The following SHISA9 variants were observed in gnomAD, a reference collection of about 807,000 sequenced individuals.
The protein encoded by SHISA9 is protein shisa-9.
Under a neutral mutation model 38.0 loss-of-function variants are expected in SHISA9, and 13 were observed. The ratio of observed to expected loss-of-function variants is 0.34; its 90% confidence interval spans 0.22 to 0.54. The LOEUF is 0.54. SHISA9 is among the 20% of genes least tolerant of loss of function. The pLI is 0.91. For synonymous variants in SHISA9, 275 were observed against 242.0 expected (o/e 1.14, Z -1.27); for missense variants, 538 against 575.8 (o/e 0.93, Z 0.67).
chr16:13,226,578 G>A (rs1053598258), intron 4 of SHISA9, among the ~76,000 whole-genome samples: 1 of 152,180 alleles, frequency 6.6e-6, no homozygotes, highest in Non-Finnish European at 1.5e-5. Flanking sequence ...GTTATCAACT[G>A]CTGCATAACA....
At chr16:13,348,017 T>A in the SHISA9 span, among the ~76,000 whole-genome samples, 5 of 152,168 alleles carry the variant, frequency 3.3e-5, no homozygotes, top group Admixed American at 3.3e-4. Context: ...GTCACAAGGG[T>A]GAGTGAGGCT....
the SHISA9 span, chr16:13,246,358 A>G: frequency 6.6e-6 from 1 of 152,274 alleles, no homozygotes; most frequent in Admixed American, 6.5e-5. Context: ...ACCTTCTGCC[A>G]TGATTATGAG....
chr16:13,001,897 A>G (rs1426591128), intron 2 of SHISA9, among the ~76,000 whole-genome samples: 1 of 152,212 alleles, frequency 6.6e-6, no homozygotes, highest in Non-Finnish European at 1.5e-5. Flanking sequence ...ATAGGTGATA[A>G]AAAATGATAA....
At chr16:13,406,926 G>A in the SHISA9 span, among the ~76,000 whole-genome samples, 2 of 151,942 alleles carry the variant, frequency 1.3e-5, no homozygotes, top group Admixed American at 6.6e-5. Flanking sequence ...AAATTAGCTG[G>A]GTGTGGTGGC....
At chr16:13,364,654 T>G in the SHISA9 span, among the ~76,000 whole-genome samples, 1 of 152,248 alleles carries the variant, frequency 6.6e-6, no homozygotes, top group Non-Finnish European at 1.5e-5. Context: ...GTTTGCTATG[T>G]CATTTATTCT....
At chr16:13,314,622 T>G in the SHISA9 span, among the ~76,000 whole-genome samples, 2,469 of 152,322 alleles carry the variant, frequency 0.016, 43 homozygotes, top group Middle Eastern at 0.085. Flanking sequence ...TGAATACAGT[T>G]TGATGAGTTT....
At chr16:12,964,284 G>T (rs1388827472) in intron 2 of SHISA9, among the ~76,000 whole-genome samples, 1 of 152,106 alleles carries the variant, frequency 6.6e-6, no homozygotes, top group Non-Finnish European at 1.5e-5. Context: ...ATTATCCATT[G>T]CCTGACCAAA....
In SHISA9 at chr16:13,044,120, T is replaced by C. The variant is rs191948195; in HGVS notation, c.691+127305T>C. Among the ~76,000 whole-genome samples the C allele has an allele frequency of 5.0e-4, 76 of 152,312 alleles. 1 individual carries two copies. The Middle Eastern group carries it at 0.01, about 20-fold the overall frequency. On this transcript the variant is annotated intron_variant, in intron 2 of 4. Transcript: ENST00000558583. ...AAGACTCAACCTGTGGTCTGTTTCA[T>C]GAGGTCAAATCTGAAAATCCTCTAG...
chr16:13,020,133 TCTC>T (rs1567184421), intron 2 of SHISA9, among the ~76,000 whole-genome samples: 1 of 150,510 alleles, frequency 6.6e-6, no homozygotes, highest in East Asian at 2.0e-4. Flanking sequence ...CTGAAGCAAT[TCTC>T]CTGCCTCAGC....
intron 2 of SHISA9, among the ~76,000 whole-genome samples, chr16:13,153,106 A>G (rs1264078752): frequency 6.6e-6 from 1 of 152,180 alleles, no homozygotes; most frequent in African/African-American, 2.4e-5. Context: ...TCAAGTCTCC[A>G]GAAAGGAACA....
intron 2 of SHISA9, among the ~76,000 whole-genome samples, chr16:13,013,719 C>T (rs1012456654): frequency 2.0e-5 from 3 of 152,114 alleles, no homozygotes; most frequent in Non-Finnish European, 4.4e-5. Context: ...TCAAACAAGG[C>T]TGGAAAATAA....
intron 2 of SHISA9, among the ~76,000 whole-genome samples, chr16:13,043,434 C>G (rs1219547286): frequency 6.6e-6 from 1 of 152,182 alleles, no homozygotes; most frequent in East Asian, 1.9e-4. Flanking sequence ...TGTGGTTTCT[C>G]TATGATTCCT....
chr16:13,220,424 C>T (rs528820078), intron 4 of SHISA9, among the ~76,000 whole-genome samples: 8 of 152,262 alleles, frequency 5.3e-5, no homozygotes, highest in South Asian at 4.1e-4. Flanking sequence ...CTTAGTCACA[C>T]GGAACAGAGT....
chr16:12,984,943 C>T (rs1392260132), intron 2 of SHISA9, among the ~76,000 whole-genome samples: 1 of 152,178 alleles, frequency 6.6e-6, no homozygotes, highest in Non-Finnish European at 1.5e-5. Context: ...ATGTCCAGAG[C>T]TCCCGACGGG....
intron 2 of SHISA9, among the ~76,000 whole-genome samples, chr16:13,087,873 GT>G (rs1334620356): frequency 1.3e-5 from 2 of 152,204 alleles, no homozygotes; most frequent in Admixed American, 6.5e-5. Context: ...TGCTTTTGGT[GT>G]TTTAGTTATG....
chr16:13,199,092 G>A (rs75916145), intron 2 of SHISA9, among the ~76,000 whole-genome samples: 1,721 of 152,158 alleles, frequency 0.011, 19 homozygotes, highest in Non-Finnish European at 0.015. Flanking sequence ...TTTCTTTAAC[G>A]AAGTGTTTAG....
At chr16:13,534,114 A>G in the SHISA9 span, among the ~76,000 whole-genome samples, 1 of 151,902 alleles carries the variant, frequency 6.6e-6, no homozygotes. Context: ...ACTTCCCTTA[A>G]TACCACATCT....
the SHISA9 span, among the ~76,000 whole-genome samples, chr16:13,531,606 C>T: frequency 6.6e-6 from 1 of 152,186 alleles, no homozygotes; most frequent in Admixed American, 6.5e-5. Flanking sequence ...CTCCCTTTCT[C>T]CCTCTAGCTG....
the SHISA9 span, among the ~76,000 whole-genome samples, chr16:13,340,402 T>C: frequency 2.0e-3 from 311 of 152,296 alleles, 1 homozygote; most frequent in African/African-American, 7.1e-3. Context: ...GATGCATTAG[T>C]TGGGGTATAC....
Sources: gnomAD v4.1 joint callset for allele counts (sites outside exome capture counted in the v4.1 genomes callset) on GRCh38, gnomAD v4.1.1 for gene constraint, MANE v1.5 for transcripts, NCBI Gene and HGNC (gene_info 2026-07-23, HGNC 2026-07-21) for gene names.